The following MAN2A1 variants were observed in gnomAD, a reference collection of about 807,000 sequenced individuals.
MAN2A1 encodes the protein mannosidase alpha class 2A member 1, also known as alpha-mannosidase 2.
In MAN2A1, 76 loss-of-function variants were observed where a neutral mutation model predicts 142.6. That is an observed-to-expected ratio of 0.53 (90% confidence interval 0.44 to 0.65). The LOEUF is 0.65. Ranked by LOEUF, MAN2A1 falls within the 30% of genes least tolerant of loss-of-function variation. The pLI, the probability that MAN2A1 is intolerant of heterozygous loss-of-function variation, is 0.00. For synonymous variants in MAN2A1, 559 were observed against 473.2 expected (o/e 1.18, Z -2.35); for missense variants, 1,311 against 1,365.1 (o/e 0.96, Z 0.62).
At chr5:109,703,222 CA>C (rs1228641385) in intron 1 of MAN2A1, among the ~76,000 whole-genome samples, 1 of 152,094 alleles carries the variant, frequency 6.6e-6, no homozygotes, top group African/African-American at 2.4e-5. Context: ...AATTGTTTGT[CA>C]AAATTACTTG....
intron 12 of MAN2A1, among the ~76,000 whole-genome samples, chr5:109,798,909 GTC>G (rs1291520758): frequency 6.6e-6 from 1 of 152,108 alleles, no homozygotes; most frequent in Non-Finnish European, 1.5e-5. Flanking sequence ...AGTCAGGATG[GTC>G]TCTATCTCCT....
intron 4 of MAN2A1, among the ~76,000 whole-genome samples, chr5:109,750,050 A>G (rs1752504992): frequency 6.6e-6 from 1 of 152,038 alleles, no homozygotes; most frequent in Non-Finnish European, 1.5e-5. Flanking sequence ...TATTTTTTAA[A>G]GTATTTCCAG....
intron 1 of MAN2A1, among the ~76,000 whole-genome samples, chr5:109,703,888 G>T (rs369043407): frequency 1.6e-4 from 25 of 152,328 alleles, no homozygotes; most frequent in African/African-American, 5.5e-4. Flanking sequence ...ACAGGAGGTA[G>T]TTTCTGTGCA....
chr5:109,818,134 T>TTTA (rs913081479), intron 13 of MAN2A1, among the ~76,000 whole-genome samples: 14 of 151,876 alleles, frequency 9.2e-5, no homozygotes, highest in East Asian at 3.9e-4. Context: ...GCTAGCTACT[T>TTTA]TTATTATTAT....
intron 16 of MAN2A1, chr5:109,840,685 A>C: frequency 2.3e-6 from 1 of 434,756 alleles, no homozygotes; most frequent in Admixed American, 2.6e-5. Flanking sequence ...CTGCTTTATC[A>C]GTCATTGTTT....
Position 109,777,174 on chromosome 5 carries a change from T to C in MAN2A1, c.1374+2209T>C, listed in dbSNP as rs184155670. On this transcript the variant is annotated intron_variant, in intron 8 of 21. Coordinates refer to ENST00000261483, the MANE Select transcript of MAN2A1 (RefSeq NM_002372.4). ...GCTTTAGTATATATTGCCAAACTGT[T>C]CCAAAATAGATGCATCAATTGTGTT... Among the ~76,000 whole-genome samples, 4 of 152,254 alleles carry C rather than the reference T, an allele frequency of 2.6e-5. No individual in the cohort carries two copies. The East Asian group carries it at 5.8e-4, about 22-fold the overall frequency.
At position 109,729,336 on chromosome 5, in the gene MAN2A1, A is replaced by G; in HGVS notation, c.536-6A>G. On this transcript the variant is annotated splice_region_variant and splice_polypyrimidine_tract_variant and intron_variant, in intron 3 of 21. Transcript: ENST00000261483. ...ACCTTTGTGGTATATTTGTGTCTTG[A>G]TTTAGGTTGGTTGAAGACTTTCAAT... 6.3e-7 allele frequency: 1 copy of G among 1,592,800 alleles called. No individual in the cohort carries two copies. The highest frequency in any genetic ancestry group is 1.1e-5 in the South Asian group (1 of 87,580).
intron 12 of MAN2A1, 81 bp from the exon 13 acceptor site, chr5:109,817,192 A>G (rs1023166352): frequency 4.2e-6 from 5 of 1,184,442 alleles, no homozygotes; most frequent in South Asian, 2.7e-5. Flanking sequence ...ATGTATATGT[A>G]TATGTATATC....
At chr5:109,822,902 C>T (rs1754665260) in intron 15 of MAN2A1, among the ~76,000 whole-genome samples, 1 of 152,140 alleles carries the variant, frequency 6.6e-6, no homozygotes, top group Non-Finnish European at 1.5e-5. Context: ...TGGTCTCGAT[C>T]TCCTGACCTT....
chr5:109,759,326 A>G (rs773345649), intron 5 of MAN2A1, among the ~76,000 whole-genome samples: 5 of 152,138 alleles, frequency 3.3e-5, no homozygotes, highest in Non-Finnish European at 7.4e-5. Context: ...TACTGCCATT[A>G]TAAATGGGAT....
intron 1 of MAN2A1, among the ~76,000 whole-genome samples, chr5:109,700,790 A>T (rs143557356): frequency 0.011 from 1,652 of 152,326 alleles, 18 homozygotes; most frequent in Non-Finnish European, 0.015. Flanking sequence ...GATACCTGGG[A>T]CATGCATCCT....
Position 109,858,823 on chromosome 5 carries a change from C to T in MAN2A1, c.3171+3489C>T, listed in dbSNP as rs550069688. Among the ~76,000 whole-genome samples, 54 of 152,326 alleles carry T rather than the reference C, an allele frequency of 3.5e-4. No homozygotes were observed. The South Asian group carries it at 0.011, about 30-fold the overall frequency. ...CTAAAGGTTTCTCAATTCTAAACCT[C>T]AGTTGGTTTTCTTGACTCCTGGGAT... is the stretch of plus-strand genomic sequence containing the variant. On this transcript the variant is annotated intron_variant, in intron 20 of 21. Transcript: ENST00000261483.
At chr5:109,829,829 G>T (rs938236548) in intron 16 of MAN2A1, among the ~76,000 whole-genome samples, 1 of 152,198 alleles carries the variant, frequency 6.6e-6, no homozygotes, top group Non-Finnish European at 1.5e-5. Context: ...TTCAGTTAGA[G>T]CAGGAGCAAA....
Position 109,770,467 on chromosome 5 carries a change from T to A in MAN2A1, c.1122T>A (p.Arg374=), listed in dbSNP as rs1753113996. The A allele has an allele frequency of 6.2e-7, 1 of 1,614,042 alleles. No homozygotes were observed. The highest frequency in any genetic ancestry group is 8.5e-7 in the Non-Finnish European group (1 of 1,179,930). Residue 374 remains arginine (R), a synonymous_variant, in exon 7 of 22, where the codon CGT becomes CGA. Coordinates refer to ENST00000261483, the MANE Select transcript of MAN2A1 (RefSeq NM_002372.4). The stretch of plus-strand genomic sequence containing the variant: ...TATGCTGCCAGTTTGATTTTAAACG[T>A]CTTCCTGGAGGCAGATTTGGTTGTC... ...PKICCQFDFK[R]LPGGRFGCPW...
intron 17 of MAN2A1, 67 bp downstream of exon 17, chr5:109,842,528 G>A: frequency 2.0e-6 from 2 of 984,606 alleles, no homozygotes; most frequent in Non-Finnish European, 2.8e-6. Context: ...TATAACAATG[G>A]CCCAGTTAAT....
chr5:109,756,938 A>G lies in MAN2A1; in HGVS notation c.835+1482A>G, dbSNP rs577174834. On this transcript the variant is annotated intron_variant, in intron 5 of 21. Transcript: ENST00000261483. ...CTACATGACCAGCCCCCAACATTGG[A>G]CACTGAGTCTGTAATGAGTTTCCTG... Among the ~76,000 whole-genome samples, 149 of 152,314 alleles carry G rather than the reference A, an allele frequency of 9.8e-4. No individual in the cohort carries two copies. In the Middle Eastern group the frequency reaches 0.01, roughly 11 times the overall value.
chr5:109,806,100 T>G (rs1754157007), intron 12 of MAN2A1, among the ~76,000 whole-genome samples: 1 of 151,860 alleles, frequency 6.6e-6, no homozygotes, highest in Admixed American at 6.6e-5. Context: ...TCTGCTGGGG[T>G]GAATATAGAG....
chr5:109,805,820 G>A (rs2112213), intron 12 of MAN2A1, among the ~76,000 whole-genome samples: 151,316 of 152,340 alleles, frequency 0.99, 75,162 homozygotes, highest in Middle Eastern at 1. Flanking sequence ...TTGAGGAAGA[G>A]ACTACTGTGG....
intron 20 of MAN2A1, chr5:109,862,678 T>C (rs1755785691): frequency 6.6e-6 from 1 of 152,172 alleles, no homozygotes; most frequent in Non-Finnish European, 1.5e-5. Context: ...AATTCACAGT[T>C]TCCCTACTTT....
Sources: allele counts gnomAD v4.1 joint callset (sites outside exome capture counted in the v4.1 genomes callset), GRCh38; gene constraint gnomAD v4.1.1; transcripts MANE v1.5; gene names NCBI Gene and HGNC (gene_info 2026-07-23, HGNC 2026-07-21).